The following TMEM232 variants were observed in gnomAD, a reference collection of about 807,000 sequenced individuals.
TMEM232 encodes transmembrane protein 232.
In TMEM232, 80 loss-of-function variants were observed where a neutral mutation model predicts 78.8. The ratio of observed to expected loss-of-function variants is 1.01; its 90% confidence interval spans 0.85 to 1.22. The LOEUF is 1.22. Ranked by LOEUF, TMEM232 falls within the 50% of genes most tolerant of loss-of-function variation. TMEM232 has a pLI of 0.00. For missense variants in TMEM232, 881 were observed against 742.2 expected, an observed-to-expected ratio of 1.19 and a Z score of -2.17; for synonymous variants, 297 against 254.3, an observed-to-expected ratio of 1.17 and a Z score of -1.60.
chr5:110,629,120 C>T (rs893402596), intron 5 of TMEM232, among the ~76,000 whole-genome samples: 1 of 151,664 alleles, frequency 6.6e-6, no homozygotes. Context: ...TAAAAGAATA[C>T]TGAAATACTC....
intron 11 of TMEM232, among the ~76,000 whole-genome samples, chr5:110,543,100 C>A (rs1292857995): frequency 1.3e-5 from 2 of 152,086 alleles, no homozygotes; most frequent in Non-Finnish European, 2.9e-5. Context: ...ATTCTTTGTT[C>A]AAAACACCAA....
intron 10 of TMEM232, among the ~76,000 whole-genome samples, chr5:110,599,464 G>A (rs1435002573): frequency 6.6e-6 from 1 of 152,082 alleles, no homozygotes; most frequent in Non-Finnish European, 1.5e-5. Context: ...CAAAATAAAG[G>A]AATGGAGGAA....
intron 11 of TMEM232, among the ~76,000 whole-genome samples, 200 bp downstream of exon 11, chr5:110,568,247 G>A (rs1030871510): frequency 6.6e-6 from 1 of 151,754 alleles, no homozygotes; most frequent in Non-Finnish European, 1.5e-5. Context: ...AGATTTTGGT[G>A]GCCTTTACAC....
At chr5:110,498,663 A>T (rs1279410273) in intron 12 of TMEM232, among the ~76,000 whole-genome samples, 1 of 152,140 alleles carries the variant, frequency 6.6e-6, no homozygotes, top group East Asian at 1.9e-4. Flanking sequence ...GGGAACACTA[A>T]AGTCTTCCCA....
intron 12 of TMEM232, among the ~76,000 whole-genome samples, chr5:110,464,382 G>C (rs1490066583): frequency 1.3e-5 from 2 of 152,156 alleles, no homozygotes; most frequent in African/African-American, 2.4e-5. Flanking sequence ...GGGGAAGGCA[G>C]AACAAGGGAA....
intron 1 of TMEM232, among the ~76,000 whole-genome samples, chr5:110,696,442 G>A (rs1452590635): frequency 6.6e-6 from 1 of 152,184 alleles, no homozygotes; most frequent in East Asian, 1.9e-4. Flanking sequence ...AGTGTTGGAA[G>A]TTCAGGCCAG....
At chr5:110,738,345 G>A (rs1157898877), upstream of TMEM232, 3 of 871,512 alleles carry the variant, frequency 3.4e-6, no homozygotes, top group Admixed American at 4.7e-5. Flanking sequence ...GAGTGATTTA[G>A]ACACATCAGA....
At chr5:110,497,094 T>C (rs1342388011) in intron 12 of TMEM232, among the ~76,000 whole-genome samples, 1 of 151,946 alleles carries the variant, frequency 6.6e-6, no homozygotes. Flanking sequence ...GATATATCTA[T>C]GGTCTCCTCC....
chr5:110,637,829 T>C (rs1346914149), intron 5 of TMEM232, among the ~76,000 whole-genome samples: 2 of 151,976 alleles, frequency 1.3e-5, no homozygotes, highest in East Asian at 3.9e-4. Context: ...GTTTCCCAAA[T>C]TGGGCAGCTA....
At chr5:110,445,127 C>G (rs561439414) in intron 12 of TMEM232, among the ~76,000 whole-genome samples, 1 of 151,690 alleles carries the variant, frequency 6.6e-6, no homozygotes, top group African/African-American at 2.4e-5. Context: ...TTTTTTTGGA[C>G]ATTTTTTTCT....
chr5:110,547,225 C>T lies in TMEM232; in HGVS notation c.1456-18390G>A, dbSNP rs373553753. 1.2e-4 allele frequency among the ~76,000 whole-genome samples: 19 copies of T among 152,166 alleles called. 1 individual carries two copies. The South Asian group carries it at 2.7e-3, about 22-fold the overall frequency. Reference sequence around the variant, plus strand: ...AGTCTGTTTAACTTAGTCTAAGTTTCCATTATTAACTTCCTTAAGAAAGCA... The same window carrying T: ...AGTCTGTTTAACTTAGTCTAAGTTTTCATTATTAACTTCCTTAAGAAAGCA... On this transcript the variant is annotated intron_variant, in intron 11 of 13. Transcript: ENST00000455884.
At chr5:110,613,808 T>A (rs1014512108) in intron 8 of TMEM232, among the ~76,000 whole-genome samples, 4 of 152,130 alleles carry the variant, frequency 2.6e-5, no homozygotes, top group African/African-American at 7.2e-5. Context: ...TATTACAGTG[T>A]ATATTGTTTA....
intron 1 of TMEM232, among the ~76,000 whole-genome samples, chr5:110,682,920 G>A (rs990413291): frequency 3.3e-5 from 5 of 152,088 alleles, no homozygotes; most frequent in Admixed American, 3.3e-4. Flanking sequence ...CTTCTGTGTG[G>A]TATGGTGGGT....
At chr5:110,486,355 G>C (rs1292427330) in intron 12 of TMEM232, among the ~76,000 whole-genome samples, 1 of 151,916 alleles carries the variant, frequency 6.6e-6, no homozygotes, top group Non-Finnish European at 1.5e-5. Context: ...TGTTTTTATT[G>C]CATTTGCCTT....
intron 12 of TMEM232, among the ~76,000 whole-genome samples, chr5:110,447,881 G>A (rs1485938455): frequency 2.0e-5 from 3 of 152,004 alleles, no homozygotes; most frequent in South Asian, 2.1e-4. Flanking sequence ...AAGTGAAAAC[G>A]AAGAGAGGGG....
intron 12 of TMEM232, among the ~76,000 whole-genome samples, chr5:110,475,964 T>C (rs890917799): frequency 1.3e-5 from 2 of 151,976 alleles, no homozygotes; most frequent in African/African-American, 4.8e-5. Context: ...AAGAATAAAA[T>C]TGACAGAACA....
intron 2 of TMEM232, among the ~76,000 whole-genome samples, chr5:110,654,003 A>C (rs1287187058): frequency 6.6e-6 from 1 of 152,222 alleles, no homozygotes; most frequent in Non-Finnish European, 1.5e-5. Context: ...TGAAGCCCAG[A>C]GTTAGGAAAC....
intron 3 of TMEM232, among the ~76,000 whole-genome samples, chr5:110,395,430 A>T (rs1039955492): frequency 1.3e-5 from 2 of 152,148 alleles, no homozygotes; most frequent in Non-Finnish European, 2.9e-5. Flanking sequence ...GTAATTTAAA[A>T]ATTAAGCTCG....
At chr5:110,389,216 G>C (rs987011939) in intron 4 of TMEM232, among the ~76,000 whole-genome samples, 2 of 151,984 alleles carry the variant, frequency 1.3e-5, no homozygotes, top group African/African-American at 4.8e-5. Context: ...AGCCGAGATC[G>C]CACTACTGCA....
Sources: allele counts gnomAD v4.1 joint callset (sites outside exome capture counted in the v4.1 genomes callset), GRCh38; gene constraint gnomAD v4.1.1; transcripts MANE v1.5; gene names NCBI Gene and HGNC (gene_info 2026-07-23, HGNC 2026-07-21).